NBEAL1: variants seen among roughly 807,000 people sequenced by gnomAD.
NBEAL1 encodes the protein neurobeachin like 1.
Under a neutral mutation model 351.3 loss-of-function variants are expected in NBEAL1, and 273 were observed. The observed-to-expected ratio is 0.78, with a 90% CI of 0.70 to 0.86. NBEAL1 has a LOEUF of 0.86. NBEAL1 is among the 40% of genes least tolerant of loss of function. The probability of loss-of-function intolerance (pLI) is 0.00; values close to 1 mark genes in which losing one functional copy is unlikely to be tolerated. For missense variants in NBEAL1, 2,961 were observed against 3,201.3 expected (o/e 0.92, Z 1.81); for synonymous variants, 1,050 against 1,086.4 (o/e 0.97, Z 0.66).
chr2:203,161,870 C>T lies in NBEAL1; in HGVS notation c.5714+4045C>T, dbSNP rs1057019138. Among the ~76,000 whole-genome samples, 4 of 151,974 alleles carry T rather than the reference C, an allele frequency of 2.6e-5. No homozygotes were observed. The East Asian group carries it at 7.7e-4, about 29-fold the overall frequency. Reference sequence around the variant, plus strand: ...ATAAATAAGCAAGACCCGCCCATCTCTAAAATAAACAAACCCCTTGATCCA... The same window carrying T: ...ATAAATAAGCAAGACCCGCCCATCTTTAAAATAAACAAACCCCTTGATCCA... On this transcript the variant is annotated intron_variant, in intron 36 of 55. Transcript: ENST00000683969.
chr2:203,192,774 A>G (rs1008165373), intron 46 of NBEAL1, among the ~76,000 whole-genome samples: 2 of 152,090 alleles, frequency 1.3e-5, no homozygotes, highest in Admixed American at 6.6e-5. Context: ...TTTACTTTAG[A>G]TAGAATTCTG....
chr2:203,218,815 A>T lies in NBEAL1; in HGVS notation c.*1461A>T, dbSNP rs2105865997. 6.6e-6 allele frequency: 1 copy of T among 152,310 alleles called. No individual in the cohort carries two copies. Among genetic ancestry groups the T allele is most frequent in the African/African-American group, 2.4e-5 (1 of 41,582 alleles). The allele number at this position is 152,310 out of a possible 1,614,324, so 9.4% of individuals were successfully genotyped here. A position where few individuals can be genotyped will look rare whatever the true frequency, so the allele number is the denominator to read the frequency against. Reference sequence around the variant, plus strand: ...GAAACTTTTGAATAGATTTGATTTGATGTGAGTCAGGGCTAATAAAAAGCT... The same window carrying T: ...GAAACTTTTGAATAGATTTGATTTGTTGTGAGTCAGGGCTAATAAAAAGCT... On this transcript the variant is annotated 3_prime_UTR_variant, in exon 56 of 56. Coordinates refer to ENST00000683969, the MANE Select transcript of NBEAL1 (RefSeq NM_001378026.1).
At chr2:203,040,525 TG>T in intron 2 of NBEAL1, 2 of 671,724 alleles carry the variant, frequency 3.0e-6, no homozygotes, top group South Asian at 1.4e-5. Context: ...TTATGTGACC[TG>T]GGGATTTCCA....
chr2:203,158,461 A>C (rs2063855336), intron 36 of NBEAL1, among the ~76,000 whole-genome samples: 1 of 152,180 alleles, frequency 6.6e-6, no homozygotes, highest in Non-Finnish European at 1.5e-5. Context: ...TAACCTGAAA[A>C]GCCTTAGATA....
chr2:203,071,144 A>G (rs1334079401), intron 7 of NBEAL1, among the ~76,000 whole-genome samples: 1 of 152,096 alleles, frequency 6.6e-6, no homozygotes, highest in African/African-American at 2.4e-5. Flanking sequence ...TTTTTGCCTT[A>G]TATGTCTTGT....
At chr2:203,173,519 A>T (rs1281010824) in intron 41 of NBEAL1, among the ~76,000 whole-genome samples, 1 of 152,134 alleles carries the variant, frequency 6.6e-6, no homozygotes, top group Non-Finnish European at 1.5e-5. Flanking sequence ...ATAGATTGAT[A>T]TGAAAGTAGG....
chr2:203,224,753 T>G lies in NBEAL1; in HGVS notation c.*7399T>G, dbSNP rs1445714917. ...TGAAAAAGAAAATATTATGCCTTAT[T>G]TATATCTAATTATTGACTGTGCAAA... On this transcript the variant is annotated 3_prime_UTR_variant, in exon 56 of 56. Coordinates refer to ENST00000683969, the MANE Select transcript of NBEAL1 (RefSeq NM_001378026.1). 1.3e-5 allele frequency among the ~76,000 whole-genome samples: 2 copies of G among 152,174 alleles called. No homozygotes were observed. Among genetic ancestry groups the G allele is most frequent in the Admixed American group, 6.5e-5 (1 of 15,272 alleles).
intron 2 of NBEAL1, chr2:203,040,559 T>A (rs1354456111): frequency 4.5e-6 from 3 of 667,522 alleles, no homozygotes; most frequent in Non-Finnish European, 8.4e-6. Flanking sequence ...GTGCGGGAAC[T>A]CACTTGGAAA....
Position 203,224,299 on chromosome 2 carries a change from TG to T in NBEAL1, c.*6947del, listed in dbSNP as rs2065985709. 1.3e-5 allele frequency among the ~76,000 whole-genome samples: 2 copies of T among 152,214 alleles called. No homozygotes were observed. The highest frequency in any genetic ancestry group is 4.1e-4 in the South Asian group (2 of 4,828). On this transcript the variant is annotated 3_prime_UTR_variant, in exon 56 of 56. Transcript: ENST00000683969. ...TAAGAAAACTTCTTAGAAAACTATG[TG>T]GCTGGTTGGTTCCATTTAGAAACTC...
Position 203,056,287 on chromosome 2 carries a change from C to A in NBEAL1, c.306-140C>A, listed in dbSNP as rs145904112. On this transcript the variant is annotated intron_variant, in intron 4 of 55. Coordinates refer to ENST00000683969, the MANE Select transcript of NBEAL1 (RefSeq NM_001378026.1). ...AGTTGGTGGGAAAGCAGTTATATAA[C>A]CATATTGATTTTTATGTTTTAATAA... 1.1e-4 allele frequency: 73 copies of A among 648,000 alleles called. No individual in the cohort carries two copies. The Middle Eastern group carries it at 2.1e-3, about 19-fold the overall frequency. The allele number at this position is 648,000 out of a possible 1,614,324, so 40.1% of individuals were successfully genotyped here.
At chr2:203,029,476 A>G (rs566791216) in intron 2 of NBEAL1, among the ~76,000 whole-genome samples, 2 of 152,358 alleles carry the variant, frequency 1.3e-5, no homozygotes, top group East Asian at 3.9e-4. Flanking sequence ...GGATAGTTAC[A>G]TAAACTTTTA....
intron 31 of NBEAL1, among the ~76,000 whole-genome samples, chr2:203,139,723 C>G (rs887878969): frequency 6.6e-6 from 1 of 151,300 alleles, no homozygotes; most frequent in Non-Finnish European, 1.5e-5. Context: ...TGCCACTATG[C>G]CTGGCAAATT....
rs1295825323 is a variant in NBEAL1, at chr2:203,209,185, A to G, written c.7648A>G (p.Ile2550Val). 1.8e-5 allele frequency: 29 copies of G among 1,613,298 alleles called. No homozygotes were observed. Among genetic ancestry groups the G allele is most frequent in the Non-Finnish European group, 2.2e-5 (26 of 1,179,286 alleles). The change falls in exon 53 of 56, where the codon ATT becomes GTT. Residue 2550 changes from isoleucine to valine, a missense_variant. Transcript: ENST00000683969. ...GGATGGAACGGTGATTATACATACCATTCAGAAAGGTCAGTACATGAGGAC... is the reference window on the plus strand; with the variant it reads ...GGATGGAACGGTGATTATACATACCGTTCAGAAAGGTCAGTACATGAGGAC... The part of the protein sequence containing the change: ...SRDGTVIIHT[I>V]QKGQYMRTLR...
chr2:203,213,785 C>T lies in NBEAL1; in HGVS notation c.8070+132C>T, dbSNP rs371363163. Reference sequence around the variant, plus strand: ...AAGCCAAATTTGATTTTTCAAAAGGCAGTAAATAAAAACAGGATAAAGCTG... The same window carrying T: ...AAGCCAAATTTGATTTTTCAAAAGGTAGTAAATAAAAACAGGATAAAGCTG... On this transcript the variant is annotated intron_variant, in intron 55 of 55. Coordinates refer to ENST00000683969, the MANE Select transcript of NBEAL1 (RefSeq NM_001378026.1). The T allele has an allele frequency of 1.1e-5, 16 of 1,510,678 alleles. No homozygotes were observed. In the African/African-American group the frequency reaches 1.4e-4, roughly 13 times the overall value. The allele number at this position is 1,510,678 out of a possible 1,614,324, so 93.6% of individuals were successfully genotyped here. A position where few individuals can be genotyped will look rare whatever the true frequency, so the allele number is the denominator to read the frequency against.
At chr2:203,037,663 C>G (rs749535371) in intron 2 of NBEAL1, among the ~76,000 whole-genome samples, 3 of 148,882 alleles carry the variant, frequency 2.0e-5, no homozygotes, top group African/African-American at 7.3e-5. Context: ...ATAGACTGCT[C>G]TAGAACTTCA....
intron 27 of NBEAL1, among the ~76,000 whole-genome samples, chr2:203,135,157 A>G (rs955469526): frequency 6.6e-6 from 1 of 151,568 alleles, no homozygotes; most frequent in African/African-American, 2.4e-5. Context: ...GCGACAGAGC[A>G]AGACCCTGTC....
In NBEAL1 at chr2:203,220,606, ATTAT is replaced by A. The variant is rs1038382718; in HGVS notation, c.*3255_*3258del. Among the ~76,000 whole-genome samples the A allele has an allele frequency of 1.2e-4, 18 of 152,204 alleles. No individual in the cohort carries two copies. The highest frequency in any genetic ancestry group is 4.3e-4 in the African/African-American group (18 of 41,456). Reference sequence around the variant, plus strand: ...ATAGGAAGAGATTTATACCAAGATAATTATTTTACTTTTGGAAAATGAGATCAAG... The same window carrying A: ...ATAGGAAGAGATTTATACCAAGATAATTTACTTTTGGAAAATGAGATCAAG... On this transcript the variant is annotated 3_prime_UTR_variant, in exon 56 of 56. Coordinates refer to ENST00000683969, the MANE Select transcript of NBEAL1 (RefSeq NM_001378026.1).
At chr2:203,048,971 G>A (rs2061278137) in intron 3 of NBEAL1, among the ~76,000 whole-genome samples, 1 of 149,716 alleles carries the variant, frequency 6.7e-6, no homozygotes, top group African/African-American at 2.5e-5. Flanking sequence ...GGCTTGGGGA[G>A]TCTATACTAA....
chr2:203,090,335 C>T (rs779387834), intron 10 of NBEAL1, among the ~76,000 whole-genome samples: 5 of 152,108 alleles, frequency 3.3e-5, no homozygotes, highest in Non-Finnish European at 5.9e-5. Context: ...TTTTCAACCT[C>T]GAGCCTCCTT....
Sources: gnomAD v4.1 joint callset for allele counts (sites outside exome capture counted in the v4.1 genomes callset) on GRCh38, gnomAD v4.1.1 for gene constraint, MANE v1.5 for transcripts, NCBI Gene and HGNC (gene_info 2026-07-23, HGNC 2026-07-21) for gene names.